The following PCDHA6 variants were observed in gnomAD, a reference collection of about 807,000 sequenced individuals.
The protein encoded by PCDHA6 is protocadherin alpha-6.
A neutral mutation model predicts 60.3 loss-of-function variants in PCDHA6; 55 were observed. The observed-to-expected ratio is 0.91, with a 90% CI of 0.73 to 1.14. The LOEUF is 1.14. Among genes scored for constraint, PCDHA6 ranks in the 50% most tolerant of loss-of-function variants. The pLI is 0.00. For synonymous variants in PCDHA6, 652 were observed against 557.9 expected, an observed-to-expected ratio of 1.17 and a Z score of -2.38; for missense variants, 1,327 against 1,256.5, an observed-to-expected ratio of 1.06 and a Z score of -0.85.
At chr5:140,928,143 C>T (rs983552748) in intron 1 of PCDHA6, 2 of 1,614,228 alleles carry the variant, frequency 1.2e-6, no homozygotes, top group Middle Eastern at 1.6e-4. Context: ...TGATCACGGC[C>T]TCAGATAGTG....
intron 1 of PCDHA6, among the ~76,000 whole-genome samples, chr5:140,872,240 T>A (rs2053559781): frequency 6.6e-6 from 1 of 152,178 alleles, no homozygotes; most frequent in Non-Finnish European, 1.5e-5. Flanking sequence ...TTGTCTTTAT[T>A]CCTGTGATAA....
chr5:140,884,549 G>A (rs782470468), intron 1 of PCDHA6: 3 of 1,614,016 alleles, frequency 1.9e-6, no homozygotes, highest in African/African-American at 1.3e-5. Context: ...GGTGTGCTCT[G>A]GGGAGGGCCC....
chr5:140,846,705 G>C (rs1780632800), intron 1 of PCDHA6, among the ~76,000 whole-genome samples: 1 of 149,364 alleles, frequency 6.7e-6, no homozygotes, highest in Admixed American at 6.7e-5. Context: ...AGAGAAGATT[G>C]TAATAACCAG....
chr5:140,966,690 G>T, intron 1 of PCDHA6: 1 of 1,349,568 alleles, frequency 7.4e-7, no homozygotes, highest in Non-Finnish European at 9.5e-7. Context: ...AGCGGAGGCG[G>T]GGCCCGGGCG....
At chr5:140,871,123 G>A (rs782312325) in intron 1 of PCDHA6, 51 of 1,613,216 alleles carry the variant, frequency 3.2e-5, no homozygotes, top group African/African-American at 1.3e-5. Context: ...GAGCGGACAG[G>A]CGCCAAAGGC....
chr5:140,885,566 G>T (rs190303990), intron 1 of PCDHA6, among the ~76,000 whole-genome samples: 3 of 152,162 alleles, frequency 2.0e-5, no homozygotes, highest in South Asian at 4.2e-4. Flanking sequence ...GAAATTGATT[G>T]TCAGATGTGG....
chr5:140,853,692 C>G, intron 1 of PCDHA6: 1 of 987,924 alleles, frequency 1.0e-6, no homozygotes, highest in Non-Finnish European at 1.2e-6. Context: ...ATCCTTAGAC[C>G]TGCTAACGCA....
chr5:140,835,609 T>C, intron 1 of PCDHA6: 2 of 1,613,962 alleles, frequency 1.2e-6, no homozygotes, highest in South Asian at 2.2e-5. Flanking sequence ...TCATTGGTGC[T>C]GGACAGCGCT....
At chr5:140,949,826 T>G (rs954476311) in intron 1 of PCDHA6, among the ~76,000 whole-genome samples, 2 of 151,922 alleles carry the variant, frequency 1.3e-5, no homozygotes, top group Non-Finnish European at 2.9e-5. Flanking sequence ...ATTTGTCCCC[T>G]CTGATTTTGT....
rs1769592683 is a variant in PCDHA6 at position 140,828,186 on chromosome 5, A to G, written c.95A>G (p.His32Arg). 3.1e-6 allele frequency: 5 copies of G among 1,614,002 alleles called. No individual in the cohort carries two copies. In the South Asian group the frequency reaches 3.3e-5, roughly 11 times the overall value. The change falls in exon 1 of 4, where the codon CAC becomes CGC. Residue 32 changes from histidine to arginine, a missense_variant. His to Arg is a conservative substitution (Grantham distance 29). Coordinates refer to ENST00000529310, the MANE Select transcript of PCDHA6 (RefSeq NM_018909.4). ...AAWKVGSGQL[H>R]YSVPEEAKHG... ...TGGAAGGTGGGGAGCGGCCAGCTCC[A>G]CTACTCCGTACCCGAGGAGGCCAAA... is the stretch of plus-strand genomic sequence containing the variant.
At chr5:140,967,785 G>A (rs1554229943) in intron 1 of PCDHA6, 6 of 1,614,176 alleles carry the variant, frequency 3.7e-6, no homozygotes, top group Admixed American at 3.3e-5. Context: ...GCGACTGACC[G>A]GGGTCCAGTG....
intron 1 of PCDHA6, chr5:140,857,742 T>A (rs375305711): frequency 1.3e-6 from 2 of 1,597,392 alleles, no homozygotes; most frequent in Non-Finnish European, 1.7e-6. Flanking sequence ...CCCGCGCTGC[T>A]GGCGTCTCCC....
intron 1 of PCDHA6, chr5:140,865,199 T>C (rs776546973): frequency 1.2e-4 from 18 of 152,246 alleles, no homozygotes; most frequent in Admixed American, 9.2e-4. Context: ...ACCATATTAA[T>C]GTGAATTGCT....
At chr5:140,846,712 C>T (rs1014332332) in intron 1 of PCDHA6, among the ~76,000 whole-genome samples, 3 of 149,228 alleles carry the variant, frequency 2.0e-5, no homozygotes, top group Non-Finnish European at 4.5e-5. Flanking sequence ...ATTGTAATAA[C>T]CAGTCTTCAT....
In PCDHA6 at chr5:140,843,265, G is replaced by T. The variant is rs2150356257; in HGVS notation, c.2394+12780G>T. ...CGGACTCTCCGCGCCACCGTCTGCT[G>T]GTCCTGGTGAAGGATCATGGTGAAC... On this transcript the variant is annotated intron_variant, in intron 1 of 3. Transcript: ENST00000529310. 33 of 1,595,976 alleles carry T rather than the reference G, an allele frequency of 2.1e-5. 4 individuals are homozygous for T. Among genetic ancestry groups the T allele is most frequent in the Non-Finnish European group, 2.7e-5 (32 of 1,165,590 alleles).
intron 1 of PCDHA6, chr5:140,884,356 C>T: frequency 6.2e-7 from 1 of 1,613,936 alleles, no homozygotes; most frequent in South Asian, 1.1e-5. Flanking sequence ...TGGTGGATGT[C>T]AATGTTTACT....
intron 1 of PCDHA6, chr5:140,867,560 C>G (rs1352328708): frequency 1.3e-5 from 2 of 152,070 alleles, no homozygotes; most frequent in African/African-American, 4.8e-5. Context: ...CATATGATAA[C>G]TTTTTCATAT....
chr5:140,930,012 A>G (rs1369011586), intron 1 of PCDHA6: 1 of 152,208 alleles, frequency 6.6e-6, no homozygotes, highest in Non-Finnish European at 1.5e-5. Context: ...CATAGCTGAT[A>G]GCTCCATAGC....
intron 1 of PCDHA6, among the ~76,000 whole-genome samples, chr5:140,846,656 G>C (rs1291638062): frequency 6.7e-6 from 1 of 149,228 alleles, no homozygotes; most frequent in East Asian, 1.9e-4. Context: ...TTACAGGCAT[G>C]AGCCACCGCG....
Sources: allele counts gnomAD v4.1 joint callset (sites outside exome capture counted in the v4.1 genomes callset), GRCh38; gene constraint gnomAD v4.1.1; transcripts MANE v1.5; gene names NCBI Gene and HGNC (gene_info 2026-07-23, HGNC 2026-07-21).